CNTN5: variants seen among roughly 807,000 people sequenced by gnomAD.
CNTN5 encodes contactin-5.
In CNTN5, 77 loss-of-function variants were observed where a neutral mutation model predicts 129.1. The ratio of observed to expected loss-of-function variants is 0.60; its 90% CI spans 0.50 to 0.72. The LOEUF is 0.72. CNTN5 is among the 30% of genes least tolerant of loss of function. The pLI, the probability that CNTN5 is intolerant of heterozygous loss-of-function variation, is 0.00. For synonymous variants in CNTN5, 509 were observed against 465.6 expected (o/e 1.09, Z -1.20); for missense variants, 1,478 against 1,328.8 (o/e 1.11, Z -1.75).
chr11:99,432,103 AGG>A (rs1943393972), intron 2 of CNTN5, among the ~76,000 whole-genome samples: 1 of 152,182 alleles, frequency 6.6e-6, no homozygotes, highest in Non-Finnish European at 1.5e-5. Context: ...TAGGAATAAA[AGG>A]GAAGGCAGTT....
chr11:100,336,292 T>C (rs1181912910), intron 21 of CNTN5, among the ~76,000 whole-genome samples: 1 of 152,208 alleles, frequency 6.6e-6, no homozygotes, highest in Non-Finnish European at 1.5e-5. Flanking sequence ...AGGAGCAATA[T>C]GAATATTTGC....
At chr11:99,434,477 A>G (rs1364898232) in intron 2 of CNTN5, among the ~76,000 whole-genome samples, 2 of 152,124 alleles carry the variant, frequency 1.3e-5, no homozygotes, top group African/African-American at 4.8e-5. Flanking sequence ...CTCTAGTTCC[A>G]TGCAACAGCA....
At chr11:100,303,821 T>C (rs1039345960) in intron 20 of CNTN5, among the ~76,000 whole-genome samples, 1 of 151,648 alleles carries the variant, frequency 6.6e-6, no homozygotes, top group Non-Finnish European at 1.5e-5. Flanking sequence ...AATTAATAAA[T>C]TGACATGTTA....
chr11:99,767,616 A>G (rs536729095), intron 3 of CNTN5, among the ~76,000 whole-genome samples: 1 of 73,504 alleles, frequency 1.4e-5, no homozygotes, highest in South Asian at 7.7e-4. Context: ...ATTAATTTTA[A>G]GTTTTTAAAC....
At position 99,995,312 on chromosome 11, in the gene CNTN5, C is replaced by T. The variant is rs185517017; in HGVS notation, c.878-6722C>T. 9.7e-4 allele frequency among the ~76,000 whole-genome samples: 139 copies of T among 143,036 alleles called. 1 individual carries two copies. The highest frequency in any genetic ancestry group is 3.6e-3 in the African/African-American group (133 of 36,590). 93.8% of individuals were successfully genotyped at this position (143,036 alleles called of 152,430 possible). A position where few individuals can be genotyped will look rare whatever the true frequency, so the allele number is the denominator to read the frequency against. ...AAAACTTTAGTGACATTTTTTTCTC[C>T]TTTGCCAAAAAATTAAAAAAAAAAA... is the stretch of plus-strand genomic sequence containing the variant. On this transcript the variant is annotated intron_variant, in intron 8 of 24. Transcript: ENST00000524871.
chr11:99,560,053 G>C (rs1591279731), intron 3 of CNTN5, among the ~76,000 whole-genome samples: 3 of 152,194 alleles, frequency 2.0e-5, no homozygotes, highest in African/African-American at 7.2e-5. Context: ...CAGGGAGAAG[G>C]TTGAATGGGT....
intron 2 of CNTN5, among the ~76,000 whole-genome samples, chr11:99,386,186 C>G (rs1248806339): frequency 1.3e-5 from 2 of 152,174 alleles, no homozygotes; most frequent in African/African-American, 4.8e-5. Context: ...GTCAGGTTCC[C>G]CTGAAGCACA....
intron 9 of CNTN5, among the ~76,000 whole-genome samples, chr11:100,018,792 G>A (rs971232401): frequency 6.6e-6 from 1 of 151,892 alleles, no homozygotes. Context: ...ATTATTAGCA[G>A]CAGTGTTGGA....
intron 1 of CNTN5, among the ~76,000 whole-genome samples, chr11:99,123,644 A>G (rs937257987): frequency 1.5e-5 from 2 of 133,196 alleles, no homozygotes; most frequent in African/African-American, 5.6e-5. Context: ...TTCCTAGGTT[A>G]TCTTCCAGGG....
At chr11:100,180,280 G>A (rs1232324409) in intron 13 of CNTN5, among the ~76,000 whole-genome samples, 1 of 151,934 alleles carries the variant, frequency 6.6e-6, no homozygotes, top group African/African-American at 2.4e-5. Flanking sequence ...TAGGTTAACA[G>A]AACAAAACAG....
At chr11:99,673,641 A>G (rs1056345697) in intron 3 of CNTN5, among the ~76,000 whole-genome samples, 3 of 151,774 alleles carry the variant, frequency 2.0e-5, no homozygotes, top group African/African-American at 4.8e-5. Flanking sequence ...GTTCCCCTCT[A>G]TATGTCCATG....
At chr11:99,209,512 A>G (rs1859658067) in intron 1 of CNTN5, among the ~76,000 whole-genome samples, 1 of 152,128 alleles carries the variant, frequency 6.6e-6, no homozygotes, top group Non-Finnish European at 1.5e-5. Flanking sequence ...CTCATCATCA[A>G]GGGGATGACA....
At chr11:100,213,156 G>A (rs1418129654) in intron 15 of CNTN5, among the ~76,000 whole-genome samples, 1 of 152,038 alleles carries the variant, frequency 6.6e-6, no homozygotes, top group Non-Finnish European at 1.5e-5. Flanking sequence ...CCTTTATTTT[G>A]TATAACTAGT....
intron 1 of CNTN5, among the ~76,000 whole-genome samples, chr11:99,256,892 A>T (rs1042817961): frequency 9.9e-5 from 15 of 152,102 alleles, no homozygotes; most frequent in African/African-American, 3.4e-4. Flanking sequence ...AGAACATATT[A>T]AAAAAAGGAC....
At chr11:99,973,234 A>G (rs527644010) in intron 8 of CNTN5, among the ~76,000 whole-genome samples, 3 of 152,282 alleles carry the variant, frequency 2.0e-5, no homozygotes, top group Admixed American at 2.0e-4. Context: ...CTGACATTTT[A>G]TCTCAATTAG....
intron 1 of CNTN5, among the ~76,000 whole-genome samples, chr11:99,201,523 G>C (rs1373139001): frequency 6.6e-6 from 1 of 151,676 alleles, no homozygotes; most frequent in Non-Finnish European, 1.5e-5. Flanking sequence ...CAGAACAAGA[G>C]AATATATTAG....
At chr11:100,307,185 C>CTCTTAACATTT (rs1951370924) in intron 20 of CNTN5, among the ~76,000 whole-genome samples, 1 of 151,344 alleles carries the variant, frequency 6.6e-6, no homozygotes, top group Admixed American at 6.6e-5. Context: ...CAATGTTCGC[C>CTCTTAACATTT]TCTTAACATT....
chr11:99,079,339 C>T (rs1865702637), intron 1 of CNTN5, among the ~76,000 whole-genome samples: 1 of 151,990 alleles, frequency 6.6e-6, no homozygotes, highest in South Asian at 2.1e-4. Flanking sequence ...TCTAGATAAA[C>T]AACACAGCAA....
chr11:99,536,471 A>G (rs886215046), intron 2 of CNTN5, among the ~76,000 whole-genome samples: 3 of 152,160 alleles, frequency 2.0e-5, no homozygotes, highest in African/African-American at 7.2e-5. Flanking sequence ...GAAATAAAAT[A>G]TTGAACTTAC....
Sources: allele counts gnomAD v4.1 joint callset (sites outside exome capture counted in the v4.1 genomes callset), GRCh38; gene constraint gnomAD v4.1.1; transcripts MANE v1.5; gene names NCBI Gene and HGNC (gene_info 2026-07-23, HGNC 2026-07-21).